UNC80: variants seen among roughly 807,000 people sequenced by gnomAD.
The protein encoded by UNC80 is protein unc-80 homolog.
In UNC80, 164 loss-of-function variants were observed where a neutral mutation model predicts 384.6. That is an observed-to-expected ratio of 0.43 (90% CI 0.38 to 0.49). The LOEUF is 0.49. Among genes scored for constraint, UNC80 ranks in the 20% least tolerant of loss-of-function variants. The pLI, the probability that UNC80 is intolerant of heterozygous loss-of-function variation, is 0.00. For missense variants in UNC80, 3,330 were observed against 4,143.0 expected (o/e 0.80, Z 5.39); for synonymous variants, 1,486 against 1,527.8 (o/e 0.97, Z 0.64).
At position 209,834,942 on chromosome 2, in the gene UNC80, C is replaced by T. The variant is rs189909749; in HGVS notation, c.2973C>T (p.Gly991=). The change falls in exon 18 of 65, where the codon GGC becomes GGT. Residue 991 remains glycine (G), a synonymous_variant. Transcript: ENST00000673920. The stretch of plus-strand genomic sequence containing the variant: ...AGGCGGGAAGCATTGTGGATAAAGG[C>T]CAGGTATCCTCTGCACCTGAGGAAT... ...RSEAGSIVDK[G]QVSSAPEECR... 1 of 1,550,912 alleles carries T rather than the reference C, an allele frequency of 6.4e-7. No homozygotes were observed. The highest frequency in any genetic ancestry group is 2.4e-5 in the East Asian group (1 of 40,858).
At position 209,998,996 on chromosome 2, in the gene UNC80, T is replaced by C. The variant is rs144678790; in HGVS notation, c.*3401T>C. The C allele has an allele frequency of 2.6e-5, 4 of 152,344 alleles. No homozygotes were observed. Among genetic ancestry groups the C allele is most frequent in the African/African-American group, 9.6e-5 (4 of 41,574 alleles). The allele number at this position is 152,344 out of a possible 1,614,324, so 9.4% of individuals were successfully genotyped here. ...AAAGCTTAAGACAAATTTACTGATA[T>C]TATTTTATGATCATTTAGGATTACA... On this transcript the variant is annotated 3_prime_UTR_variant, in exon 65 of 65. Coordinates refer to ENST00000673920, the MANE Select transcript of UNC80 (RefSeq NM_001371986.1).
At chr2:209,881,887 A>G (rs1422115983) in intron 25 of UNC80, among the ~76,000 whole-genome samples, 3 of 151,922 alleles carry the variant, frequency 2.0e-5, no homozygotes, top group East Asian at 1.9e-4. Context: ...ACTATCTCCC[A>G]GAGCAATCGT....
intron 47 of UNC80, among the ~76,000 whole-genome samples, chr2:209,947,149 T>A (rs2215670): frequency 0.1 from 15,696 of 152,144 alleles, 2,019 homozygotes; most frequent in African/African-American, 0.3. Context: ...ATAATACCAC[T>A]GATCTACAAA....
intron 21 of UNC80, chr2:209,845,161 A>C (rs2082087963): frequency 6.6e-6 from 1 of 151,928 alleles, no homozygotes; most frequent in Non-Finnish European, 1.5e-5. Flanking sequence ...ATGAGGACAT[A>C]ACCAGGAAGA....
intron 29 of UNC80, among the ~76,000 whole-genome samples, chr2:209,910,794 G>A (rs1371874152): frequency 6.6e-6 from 1 of 151,388 alleles, no homozygotes; most frequent in South Asian, 2.1e-4. Context: ...TAAAATATTT[G>A]CAAAATTTAA....
chr2:209,994,018 G>T, intron 63 of UNC80, 47 bp from the exon 64 acceptor site: 1 of 1,501,390 alleles, frequency 6.7e-7, no homozygotes, highest in Non-Finnish European at 8.9e-7. Flanking sequence ...TTGACGGTCC[G>T]TTTCCACCAA....
intron 31 of UNC80, among the ~76,000 whole-genome samples, chr2:209,915,953 A>G (rs1408447091): frequency 6.6e-6 from 1 of 152,246 alleles, no homozygotes; most frequent in Non-Finnish European, 1.5e-5. Context: ...CTTGATCATT[A>G]CATTCTATTC....
chr2:209,912,899 GCT>G (rs138807800), intron 30 of UNC80, among the ~76,000 whole-genome samples: 1,847 of 152,320 alleles, frequency 0.012, 25 homozygotes, highest in African/African-American at 0.042. Flanking sequence ...TCGAACCACA[GCT>G]CTCCCCACTG....
At chr2:209,772,259 G>A in intron 1 of UNC80, 95 bp downstream of exon 1, 1 of 550,184 alleles carries the variant, frequency 1.8e-6, no homozygotes, top group East Asian at 5.1e-5. Flanking sequence ...CGCTGAGGCC[G>A]CGCCACAGCC....
chr2:209,852,387 A>ATGG (rs995391774), intron 22 of UNC80, among the ~76,000 whole-genome samples: 1 of 152,040 alleles, frequency 6.6e-6, no homozygotes, highest in Non-Finnish European at 1.5e-5. Context: ...ATAGGTGATG[A>ATGG]TGGTGGTGGT....
intron 35 of UNC80, among the ~76,000 whole-genome samples, chr2:209,924,750 T>A (rs906535325): frequency 2.6e-5 from 4 of 151,942 alleles, no homozygotes; most frequent in African/African-American, 9.7e-5. Flanking sequence ...CTCAGACAGC[T>A]ACAATGTTAA....
intron 7 of UNC80, among the ~76,000 whole-genome samples, chr2:209,810,696 A>C (rs1485301007): frequency 1.3e-5 from 2 of 152,154 alleles, no homozygotes; most frequent in Non-Finnish European, 2.9e-5. Context: ...GGGGACTTTA[A>C]AGTGTGGGGC....
At chr2:209,971,464 C>CAAAAAAA (rs35804573) in intron 54 of UNC80, among the ~76,000 whole-genome samples, 3 of 133,782 alleles carry the variant, frequency 2.2e-5, no homozygotes, top group Non-Finnish European at 4.7e-5. Flanking sequence ...ATTCCCAAGG[C>CAAAAAAA]AAAAAAAAAA....
At position 209,777,475 on chromosome 2, in the gene UNC80, C is replaced by A. The variant is rs762713922; in HGVS notation, c.516C>A (p.Asn172Lys). The A allele has an allele frequency of 1.2e-6, 2 of 1,614,190 alleles. No individual in the cohort carries two copies. The highest frequency in any genetic ancestry group is 1.7e-6 in the Non-Finnish European group (2 of 1,180,034). ...CQSSSNDEEE[N>K]NRRKIFQNSM... ...GCAGCTCTAATGACGAAGAAGAGAA[C>A]AACCGAAGAAAGATCTTCCAGAACT... Residue 172 changes from asparagine (N) to lysine (K), a missense_variant, in exon 4 of 65, where the codon AAC becomes AAA. Around this residue, in one of 8 missense-constraint regions of UNC80, gnomAD observed 937 missense variants for 1,026.8 expected, o/e 0.91. Coordinates refer to ENST00000673920, the MANE Select transcript of UNC80 (RefSeq NM_001371986.1).
intron 55 of UNC80, 55 bp downstream of exon 55, chr2:209,972,379 G>T: frequency 2.0e-6 from 3 of 1,535,640 alleles, no homozygotes; most frequent in Non-Finnish European, 2.6e-6. Context: ...TCTCTTAAAT[G>T]TCAGGCTGTT....
intron 5 of UNC80, among the ~76,000 whole-genome samples, chr2:209,787,695 T>G (rs1162638524): frequency 6.6e-6 from 1 of 152,192 alleles, no homozygotes; most frequent in Non-Finnish European, 1.5e-5. Flanking sequence ...CCGCGCTGCC[T>G]GTTTTATAAA....
At chr2:209,984,634 T>C (rs563921525) in intron 60 of UNC80, among the ~76,000 whole-genome samples, 1 of 152,178 alleles carries the variant, frequency 6.6e-6, no homozygotes, top group South Asian at 2.1e-4. Context: ...CCTCTGAGAG[T>C]TGTATCCATC....
chr2:209,820,201 C>A, intron 12 of UNC80, 110 bp from the exon 13 acceptor site: 4 of 1,367,456 alleles, frequency 2.9e-6, no homozygotes, highest in Non-Finnish European at 3.8e-6. Context: ...TATTTCTACC[C>A]AATTTCATAG....
At chr2:209,974,163 A>G (rs2092951665) in intron 56 of UNC80, among the ~76,000 whole-genome samples, 1 of 152,214 alleles carries the variant, frequency 6.6e-6, no homozygotes, top group Non-Finnish European at 1.5e-5. Flanking sequence ...GAAGTATAAG[A>G]TGAACACAAA....
Sources: allele counts gnomAD v4.1 joint callset (sites outside exome capture counted in the v4.1 genomes callset), GRCh38; gene constraint gnomAD v4.1.1; regional missense constraint gnomAD v4.1.1; transcripts MANE v1.5; gene names NCBI Gene and HGNC (gene_info 2026-07-23, HGNC 2026-07-21).